Variants in KCNJ5 observed in about 807,000 individuals in gnomAD.
KCNJ5 encodes the protein G protein-activated inward rectifier potassium channel 4.
In KCNJ5, 12 loss-of-function variants were observed where a neutral mutation model predicts 20.2. That is an observed-to-expected ratio of 0.59 (90% CI 0.38 to 0.96). The LOEUF (loss-of-function observed/expected upper bound fraction) is 0.96. Ranked by LOEUF, KCNJ5 falls within the 40% of genes least tolerant of loss-of-function variation. KCNJ5 has a pLI of 0.00. For missense variants in KCNJ5, 449 were observed against 557.6 expected, an observed-to-expected ratio of 0.81 and a Z score of 1.96; for synonymous variants, 210 against 213.9, an observed-to-expected ratio of 0.98 and a Z score of 0.16.
chr11:128,915,769 G>A (rs1341770270), intron 2 of KCNJ5, among the ~76,000 whole-genome samples: 2 of 152,120 alleles, frequency 1.3e-5, no homozygotes, highest in Non-Finnish European at 2.9e-5. Context: ...ATGGTTGAAG[G>A]AATGCATGAA....
At chr11:128,896,893 T>A (rs1565542689) in intron 1 of KCNJ5, among the ~76,000 whole-genome samples, 1 of 152,276 alleles carries the variant, frequency 6.6e-6, no homozygotes, top group East Asian at 1.9e-4. Context: ...TAGTTTTTTT[T>A]ATTTTTTTTC....
chr11:128,916,552 A>G lies in KCNJ5; in HGVS notation c.1081A>G (p.Ser361Gly), dbSNP rs754353113. The G allele has an allele frequency of 3.3e-5, 53 of 1,614,032 alleles. No homozygotes were observed. In the South Asian group the frequency reaches 5.6e-4, roughly 17 times the overall value. Reference sequence around the variant, plus strand: ...TGATACCTATGAGACCAACACACCCAGCTGCTGTGCCAAGGAGCTGGCAGA... The same window carrying G: ...TGATACCTATGAGACCAACACACCCGGCTGCTGTGCCAAGGAGCTGGCAGA... Reference protein sequence around the residue: ...FHDTYETNTPSCCAKELAEMK... With the variant: ...FHDTYETNTPGCCAKELAEMK... The change falls in exon 3 of 3, where the codon AGC (serine) becomes GGC (glycine). Residue 361 changes from serine to glycine, a missense_variant. This residue lies in a region of KCNJ5 where 34 missense variants were observed against 63.8 expected (regional missense o/e 0.53). Transcript: ENST00000529694.
chr11:128,893,611 G>T (rs1944127332), intron 1 of KCNJ5, among the ~76,000 whole-genome samples: 2 of 152,108 alleles, frequency 1.3e-5, no homozygotes, highest in African/African-American at 4.8e-5. Context: ...GCTATAAACT[G>T]CCGGCATTAC....
chr11:128,915,795 ATGG>A (rs1944567743), intron 2 of KCNJ5, among the ~76,000 whole-genome samples: 2 of 73,934 alleles, frequency 2.7e-5, no homozygotes, highest in Admixed American at 1.4e-4. Flanking sequence ...GGATAATTGG[ATGG>A]ATGGATGGAT....
At chr11:128,903,463 T>G (rs776007111) in intron 1 of KCNJ5, 10 of 1,614,108 alleles carry the variant, frequency 6.2e-6, no homozygotes, top group Non-Finnish European at 8.5e-6. Flanking sequence ...AGCTGAGAAA[T>G]TCCAGAGTGA....
intron 1 of KCNJ5, among the ~76,000 whole-genome samples, chr11:128,895,963 C>T (rs1944170495): frequency 6.6e-6 from 1 of 152,162 alleles, no homozygotes; most frequent in Admixed American, 6.5e-5. Context: ...TGCGGCTGTC[C>T]CAGGGCACCT....
intron 1 of KCNJ5, chr11:128,902,587 G>A (rs768714147): frequency 1.2e-6 from 2 of 1,611,812 alleles, no homozygotes; most frequent in Non-Finnish European, 1.7e-6. Flanking sequence ...CAGGCTGATG[G>A]GCACTGAGGG....
Position 128,904,079 on chromosome 11 carries a change from C to T in KCNJ5, c.-10-7185C>T, listed in dbSNP as rs78283328. Among the ~76,000 whole-genome samples the T allele has an allele frequency of 2.7e-3, 408 of 152,272 alleles. 3 individuals are homozygous for T. Among genetic ancestry groups the T allele is most frequent in the East Asian group, 0.016 (85 of 5,184 alleles). ...TGCTTTTGTGACCTGTAAAATGAGG[C>T]GACTAAAACGGACTTAATAGATCTG... On this transcript the variant is annotated intron_variant, in intron 1 of 2. Coordinates refer to ENST00000529694, the MANE Select transcript of KCNJ5 (RefSeq NM_000890.5).
At chr11:128,902,525 G>A (rs150014706) in intron 1 of KCNJ5, 280 of 1,571,098 alleles carry the variant, frequency 1.8e-4, no homozygotes, top group Admixed American at 5.4e-4. Flanking sequence ...GAGGGGGCTG[G>A]GGAGCACAGG....
intron 1 of KCNJ5, among the ~76,000 whole-genome samples, chr11:128,906,421 A>C (rs1047536992): frequency 3.3e-5 from 5 of 152,216 alleles, no homozygotes; most frequent in African/African-American, 9.7e-5. Flanking sequence ...ACAGTTCTGT[A>C]GGTCAGAAGT....
At chr11:128,915,867 G>GTGGA (rs71057908) in intron 2 of KCNJ5, among the ~76,000 whole-genome samples, 5 of 149,596 alleles carry the variant, frequency 3.3e-5, no homozygotes, top group African/African-American at 4.9e-5. Flanking sequence ...AGGTAGATGA[G>GTGGA]TGGATGGATG....
intron 1 of KCNJ5, chr11:128,905,747 G>GGGGGC (rs1944398801): frequency 6.5e-6 from 1 of 152,886 alleles, no homozygotes. Flanking sequence ...TGGCTTCTGG[G>GGGGGC]GGGGCGGGGC....
chr11:128,891,439 C>CAGAGAGAGAGAGAG lies in KCNJ5; in HGVS notation c.-292_-291insGAGAGAGAGAGAGA, dbSNP rs886048000. 129 of 68,734 alleles carry CAGAGAGAGAGAGAG rather than the reference C, an allele frequency of 1.9e-3. 1 individual carries two copies. The highest frequency in any genetic ancestry group is 2.9e-3 in the East Asian group (7 of 2,414). The allele number at this position is 68,734 out of a possible 1,614,324, so 4.3% of individuals were successfully genotyped here. A position where few individuals can be genotyped will look rare whatever the true frequency, so the allele number is the denominator to read the frequency against. On this transcript the variant is annotated 5_prime_UTR_variant, in exon 1 of 3. Coordinates refer to ENST00000529694, the MANE Select transcript of KCNJ5 (RefSeq NM_000890.5). Reference sequence around the variant, plus strand: ...ACACACACACACACACACACACACACACAGAGAGAGAGAGAGAGAGAGAGA... The same window carrying CAGAGAGAGAGAGAG: ...ACACACACACACACACACACACACACAGAGAGAGAGAGAGACAGAGAGAGAGAGAGAGAGAGAGA...
At position 128,916,661 on chromosome 11, in the gene KCNJ5, A is replaced by G. The variant is rs780934792; in HGVS notation, c.1190A>G (p.Glu397Gly). The G allele has an allele frequency of 1.4e-5, 22 of 1,612,598 alleles. No homozygotes were observed. In the Admixed American group the frequency reaches 3.5e-4, roughly 26 times the overall value. Residue 397 changes from glutamate (E) to glycine (G), a missense_variant, in exon 3 of 3, where the codon GAG becomes GGG. By Grantham distance (98) the Glu-to-Gly change is moderately conservative. This residue lies in a region of KCNJ5 where 64 missense variants were observed against 51.3 expected (regional missense o/e 1.25). Coordinates refer to ENST00000529694, the MANE Select transcript of KCNJ5 (RefSeq NM_000890.5). The stretch of plus-strand genomic sequence containing the variant: ...TGTGCTGAGGCAGGGCTGGATGCAG[A>G]GGCTGAGCAGAATGAAGAAGATGAG... ...GGCAEAGLDA[E>G]AEQNEEDEPK...
At chr11:128,896,435 C>G (rs1450801657) in intron 1 of KCNJ5, among the ~76,000 whole-genome samples, 1 of 152,220 alleles carries the variant, frequency 6.6e-6, no homozygotes, top group Non-Finnish European at 1.5e-5. Flanking sequence ...ACACCCACTT[C>G]CATCCCACCC....
At position 128,911,756 on chromosome 11, in the gene KCNJ5, T is replaced by G. The variant is rs984306934; in HGVS notation, c.483T>G (p.Cys161Trp). ...GYGFRVITEK[C>W]PEGIILLLVQ... ...GCTTCCGAGTCATCACAGAGAAGTGTCCAGAGGGGATTATACTCCTCTTGG... is the reference window on the plus strand; with the variant it reads ...GCTTCCGAGTCATCACAGAGAAGTGGCCAGAGGGGATTATACTCCTCTTGG... The change falls in exon 2 of 3, where the codon TGT becomes TGG. Residue 161 changes from cysteine to tryptophan, a missense_variant. Around this residue, in one of 5 missense-constraint regions of KCNJ5, gnomAD observed 203 missense variants for 258.0 expected, o/e 0.79. Transcript: ENST00000529694. This position sits in a 1 kb window ranked among gnomAD's most constrained non-coding sequence, Gnocchi z 6.3. The G allele has an allele frequency of 1.9e-6, 3 of 1,614,038 alleles. No individual in the cohort carries two copies. In the African/African-American group the frequency reaches 4.0e-5, roughly 22 times the overall value.
chr11:128,914,453 C>A (rs1043273917), intron 2 of KCNJ5, among the ~76,000 whole-genome samples: 1 of 152,142 alleles, frequency 6.6e-6, no homozygotes, highest in Non-Finnish European at 1.5e-5. Flanking sequence ...TTGCTCTGTC[C>A]CACAAACTGT....
intron 1 of KCNJ5, among the ~76,000 whole-genome samples, chr11:128,897,451 A>G (rs902242939): frequency 6.6e-6 from 1 of 151,922 alleles, no homozygotes; most frequent in Non-Finnish European, 1.5e-5. Context: ...TCCTTAGCAA[A>G]ATGTCTTCTC....
chr11:128,905,933 A>G (rs2090275986), intron 1 of KCNJ5: 1 of 152,136 alleles, frequency 6.6e-6, no homozygotes, highest in Admixed American at 6.5e-5. Flanking sequence ...TTGTAAACTG[A>G]AGATAATGCC....
Sources: allele counts gnomAD v4.1 joint callset (sites outside exome capture counted in the v4.1 genomes callset), GRCh38; gene constraint gnomAD v4.1.1; regional missense constraint gnomAD v4.1.1; non-coding constraint Gnocchi (gnomAD v3.1); transcripts MANE v1.5; gene names NCBI Gene and HGNC (gene_info 2026-07-23, HGNC 2026-07-21).